Variants in BNC2 observed in about 807,000 individuals in gnomAD.
BNC2 encodes basonuclin zinc finger protein 2, also known as zinc finger protein basonuclin-2.
In BNC2, 20 loss-of-function variants were observed where a neutral mutation model predicts 76.3. That is an observed-to-expected ratio of 0.26 (90% CI 0.18 to 0.38). The LOEUF (loss-of-function observed/expected upper bound fraction) is 0.38, where lower values mean the gene tolerates loss of function less well. BNC2 is among the 10% of genes least tolerant of loss of function. BNC2 has a pLI of 1.00. For synonymous variants in BNC2, 582 were observed against 514.8 expected (o/e 1.13, Z -1.77); for missense variants, 1,382 against 1,399.8 (o/e 0.99, Z 0.20).
intron 5 of BNC2, among the ~76,000 whole-genome samples, chr9:16,483,613 T>A (rs1822104190): frequency 6.6e-6 from 1 of 152,212 alleles, no homozygotes; most frequent in African/African-American, 2.4e-5. Context: ...ATACCCCACA[T>A]AGCTAATTCT....
intron 3 of BNC2, among the ~76,000 whole-genome samples, chr9:16,596,057 A>C (rs1369853686): frequency 2.6e-5 from 4 of 152,168 alleles, no homozygotes; most frequent in Non-Finnish European, 4.4e-5. Context: ...TTTACTTGAT[A>C]GACTATAAAT....
rs150497175 is a variant in BNC2, at chr9:16,754,773, C to A, written c.4-16288G>T. On this transcript the variant is annotated intron_variant, in intron 1 of 6. Coordinates refer to ENST00000380672, the MANE Select transcript of BNC2 (RefSeq NM_017637.6). Reference sequence around the variant, plus strand: ...GGGTTTCACCATCTTGGCCAGGCTGCTCTCGAACTCCTCACCTCAGGTGAT... The same window carrying A: ...GGGTTTCACCATCTTGGCCAGGCTGATCTCGAACTCCTCACCTCAGGTGAT... Among the ~76,000 whole-genome samples the A allele has an allele frequency of 1.3e-3, 205 of 152,206 alleles. 2 individuals are homozygous for A. In the East Asian group the frequency reaches 0.033, roughly 25 times the overall value.
rs192637636 is a variant in BNC2 at position 16,663,428 on chromosome 9, C to G, written c.330+64369G>C. Among the ~76,000 whole-genome samples, 267 of 152,112 alleles carry G rather than the reference C, an allele frequency of 1.8e-3. 2 individuals are homozygous for G. Among genetic ancestry groups the G allele is most frequent in the African/African-American group, 5.9e-3 (245 of 41,526 alleles). On this transcript the variant is annotated intron_variant, in intron 3 of 6. Transcript: ENST00000380672. ...CAGGCGTGAGCTACCATGCCTGGCC[C>G]ACTCTGTTTTCAAACTAATACAAAT...
chr9:16,478,645 A>T (rs550181375), intron 5 of BNC2, among the ~76,000 whole-genome samples: 66 of 152,328 alleles, frequency 4.3e-4, no homozygotes, highest in African/African-American at 1.3e-3. Context: ...ACCACAAATT[A>T]TAAGAGGAAA....
intron 1 of BNC2, among the ~76,000 whole-genome samples, chr9:16,833,183 G>A (rs919349812): frequency 2.0e-5 from 3 of 151,978 alleles, no homozygotes; most frequent in Non-Finnish European, 4.4e-5. Context: ...CACCAATTTC[G>A]CTCCCTCCTC....
At chr9:16,481,791 A>G (rs1269827138) in intron 5 of BNC2, among the ~76,000 whole-genome samples, 1 of 152,222 alleles carries the variant, frequency 6.6e-6, no homozygotes, top group Non-Finnish European at 1.5e-5. Context: ...GAAAGTACAG[A>G]TCTACACTGA....
intron 1 of BNC2, among the ~76,000 whole-genome samples, chr9:16,835,198 T>C (rs1818678369): frequency 6.6e-6 from 1 of 152,236 alleles, no homozygotes; most frequent in Non-Finnish European, 1.5e-5. Context: ...ACATTATTCG[T>C]CTTTTCTGCA....
intron 4 of BNC2, among the ~76,000 whole-genome samples, chr9:16,576,173 C>T (rs766725087): frequency 7.2e-5 from 11 of 152,186 alleles, no homozygotes; most frequent in East Asian, 1.9e-4. Flanking sequence ...AAAATTTCTA[C>T]GAAAGAAAAT....
At chr9:16,644,298 G>C (rs77027019) in intron 3 of BNC2, among the ~76,000 whole-genome samples, 6,786 of 152,164 alleles carry the variant, frequency 0.045, 330 homozygotes, top group South Asian at 0.14. Flanking sequence ...GATGAACAGA[G>C]AAATGACAAG....
intron 3 of BNC2, among the ~76,000 whole-genome samples, chr9:16,592,592 G>C (rs928446339): frequency 2.0e-5 from 3 of 152,132 alleles, no homozygotes; most frequent in Non-Finnish European, 2.9e-5. Context: ...AAAATGTTCA[G>C]TGATAACTGA....
At chr9:16,683,928 T>A (rs371372114) in intron 3 of BNC2, among the ~76,000 whole-genome samples, 5 of 152,302 alleles carry the variant, frequency 3.3e-5, no homozygotes, top group African/African-American at 1.2e-4. Flanking sequence ...ATAATGTCAC[T>A]TTCATTACTT....
At chr9:16,592,466 T>C (rs1196321633) in intron 3 of BNC2, among the ~76,000 whole-genome samples, 1 of 152,122 alleles carries the variant, frequency 6.6e-6, no homozygotes, top group African/African-American at 2.4e-5. Flanking sequence ...TCCATTCAGA[T>C]GAAATGTTCA....
chr9:16,753,664 G>A (rs1440366952), intron 1 of BNC2, among the ~76,000 whole-genome samples: 1 of 152,150 alleles, frequency 6.6e-6, no homozygotes, highest in Non-Finnish European at 1.5e-5. Flanking sequence ...TATTTTGTTA[G>A]ACAATAAAAG....
At chr9:16,805,067 A>G (rs1222807910) in intron 1 of BNC2, among the ~76,000 whole-genome samples, 1 of 151,992 alleles carries the variant, frequency 6.6e-6, no homozygotes, top group African/African-American at 2.4e-5. Context: ...GTCTCAAAAG[A>G]AAAAAAAGTG....
chr9:16,769,674 A>G (rs1300682634), intron 1 of BNC2, among the ~76,000 whole-genome samples: 2 of 152,202 alleles, frequency 1.3e-5, no homozygotes, highest in African/African-American at 4.8e-5. Flanking sequence ...CTCATCTACA[A>G]AATGAGGTAA....
chr9:16,586,206 T>C (rs1399898154), intron 3 of BNC2, among the ~76,000 whole-genome samples: 14 of 152,152 alleles, frequency 9.2e-5, no homozygotes, highest in Admixed American at 5.9e-4. Flanking sequence ...AGACATGAGC[T>C]GAATGGAGGC....
intron 1 of BNC2, among the ~76,000 whole-genome samples, chr9:16,757,807 A>C (rs1028253644): frequency 6.6e-6 from 1 of 152,052 alleles, no homozygotes; most frequent in Non-Finnish European, 1.5e-5. Flanking sequence ...ATCCATTATA[A>C]TAAAGTCTTA....
chr9:16,852,195 A>T (rs1389510081), intron 1 of BNC2, among the ~76,000 whole-genome samples: 1 of 152,204 alleles, frequency 6.6e-6, no homozygotes, highest in African/African-American at 2.4e-5. Context: ...TTTTGACAGC[A>T]CAATGTTCCC....
intron 1 of BNC2, among the ~76,000 whole-genome samples, chr9:16,819,728 C>T (rs987796534): frequency 2.0e-5 from 3 of 152,100 alleles, no homozygotes; most frequent in African/African-American, 7.2e-5. Flanking sequence ...TTAAGACTAC[C>T]TTTATGTTTC....
Sources: allele counts gnomAD v4.1 joint callset (sites outside exome capture counted in the v4.1 genomes callset), GRCh38; gene constraint gnomAD v4.1.1; transcripts MANE v1.5; gene names NCBI Gene and HGNC (gene_info 2026-07-23, HGNC 2026-07-21).